GDPD4: variants seen among roughly 807,000 people sequenced by gnomAD.
GDPD4 encodes glycerophosphodiester phosphodiesterase domain containing 4, also known as glycerophosphodiester phosphodiesterase 6.
GDPD4 carries 60 observed loss-of-function variants against 67.8 expected under a neutral mutation model. The ratio of observed to expected loss-of-function variants is 0.88; its 90% confidence interval spans 0.72 to 1.10. The LOEUF (loss-of-function observed/expected upper bound fraction) is 1.10, where lower values mean the gene tolerates loss of function less well. GDPD4 is among the 50% of genes least tolerant of loss of function. The pLI, the probability that GDPD4 is intolerant of heterozygous loss-of-function variation, is 0.00. For synonymous variants in GDPD4, 212 were observed against 210.9 expected, an observed-to-expected ratio of 1.00 and a Z score of -0.04; for missense variants, 623 against 613.9, an observed-to-expected ratio of 1.01 and a Z score of -0.16.
chr11:77,227,866 G>T lies in GDPD4; in HGVS notation c.1523C>A (p.Thr508Lys). Residue 508 changes from threonine (T) to lysine (K), a missense_variant and splice_region_variant, in exon 16 of 17, where the codon ACA becomes AAA. By Grantham distance (78) the Thr-to-Lys change is moderately conservative. Transcript: ENST00000315938. ...GTGGGCTAGGCCTCTGACTTTACCT[G>T]TGCGAGTGCTGGAGGTTTCAAACAA... ...EKLFETSSTR[T>K]DTQSGSKNEE... is the part of the protein sequence containing the mutation. The T allele has an allele frequency of 1.9e-6, 3 of 1,611,700 alleles. No individual in the cohort carries two copies. The highest frequency in any genetic ancestry group is 2.5e-6 in the Non-Finnish European group (3 of 1,177,898).
At chr11:77,252,327 G>C (rs1038622195) in intron 11 of GDPD4, among the ~76,000 whole-genome samples, 4 of 152,058 alleles carry the variant, frequency 2.6e-5, no homozygotes, top group Non-Finnish European at 5.9e-5. Context: ...GCCTCCCAAA[G>C]TGCTAGGATT....
chr11:77,223,173 G>C (rs186015824), intron 16 of GDPD4, among the ~76,000 whole-genome samples: 2 of 152,070 alleles, frequency 1.3e-5, no homozygotes, highest in Admixed American at 6.5e-5. Flanking sequence ...TCCTCCTTTC[G>C]CTTGGAGAAG....
chr11:77,285,762 G>A (rs1959968495), intron 2 of GDPD4, among the ~76,000 whole-genome samples: 1 of 152,094 alleles, frequency 6.6e-6, no homozygotes, highest in African/African-American at 2.4e-5. Context: ...TTTTGCAGAA[G>A]AAAGCTCAGA....
intron 16 of GDPD4, among the ~76,000 whole-genome samples, chr11:77,221,422 GTATGT>G (rs1168656832): frequency 6.6e-6 from 1 of 152,018 alleles, no homozygotes; most frequent in African/African-American, 2.4e-5. Context: ...AGAGATTCTG[GTATGT>G]TATGTCTTTT....
chr11:77,254,590 A>G (rs1361569197), intron 11 of GDPD4, among the ~76,000 whole-genome samples: 1 of 152,180 alleles, frequency 6.6e-6, no homozygotes, highest in Non-Finnish European at 1.5e-5. Context: ...TGTGATAAAT[A>G]AAACTTGTAC....
intron 12 of GDPD4, 52 bp from the exon 13 acceptor site, chr11:77,243,900 G>C (rs763398093): frequency 5.2e-6 from 7 of 1,341,590 alleles, no homozygotes; most frequent in African/African-American, 1.4e-5. Flanking sequence ...ATCCAGGTAC[G>C]AACAGCCCCA....
At chr11:77,248,533 C>T (rs1445653751) in intron 11 of GDPD4, among the ~76,000 whole-genome samples, 3 of 151,942 alleles carry the variant, frequency 2.0e-5, no homozygotes, top group Non-Finnish European at 4.4e-5. Context: ...ATGGGCACCA[C>T]CACATCTACC....
At chr11:77,236,130 G>C (rs1958563080) in intron 13 of GDPD4, among the ~76,000 whole-genome samples, 2 of 152,044 alleles carry the variant, frequency 1.3e-5, no homozygotes, top group South Asian at 2.1e-4. Flanking sequence ...AACCTAACTA[G>C]ATTAATATGT....
At chr11:77,231,214 T>A (rs1294047105) in intron 14 of GDPD4, among the ~76,000 whole-genome samples, 1 of 152,220 alleles carries the variant, frequency 6.6e-6, no homozygotes, top group African/African-American at 2.4e-5. Flanking sequence ...TTTTAAATGA[T>A]TCCTCACTTT....
intron 10 of GDPD4, among the ~76,000 whole-genome samples, chr11:77,262,327 G>A (rs1044070495): frequency 2.0e-5 from 3 of 152,130 alleles, no homozygotes; most frequent in Non-Finnish European, 4.4e-5. Context: ...AGCAGTCATG[G>A]CCCAATTCCT....
intron 8 of GDPD4, among the ~76,000 whole-genome samples, chr11:77,269,530 C>T (rs1188202673): frequency 6.6e-6 from 1 of 152,130 alleles, no homozygotes; most frequent in African/African-American, 2.4e-5. Flanking sequence ...CCAAGTTCTG[C>T]CACTTCCTAA....
At chr11:77,299,162 G>A (rs1161481336) in intron 1 of GDPD4, among the ~76,000 whole-genome samples, 2 of 152,102 alleles carry the variant, frequency 1.3e-5, no homozygotes, top group Non-Finnish European at 2.9e-5. Flanking sequence ...GGTAGCAGTT[G>A]CTAGGCAACA....
chr11:77,261,167 C>T (rs1390137919), intron 10 of GDPD4, among the ~76,000 whole-genome samples: 1 of 152,080 alleles, frequency 6.6e-6, no homozygotes, highest in East Asian at 1.9e-4. Context: ...GATACATAAA[C>T]TACAGGCAAG....
chr11:77,279,564 T>C (rs896363729), intron 3 of GDPD4, among the ~76,000 whole-genome samples, 165 bp from the exon 4 acceptor site: 1 of 129,854 alleles, frequency 7.7e-6, no homozygotes, highest in Non-Finnish European at 1.9e-5. Flanking sequence ...TGAGGAGTTT[T>C]AAAGTTGTGT....
At chr11:77,268,902 T>C (rs1268954404) in intron 9 of GDPD4, 22 bp downstream of exon 9, 5 of 1,610,716 alleles carry the variant, frequency 3.1e-6, no homozygotes, top group Non-Finnish European at 4.2e-6. Context: ...TTTTCACCCA[T>C]GTTCATCATG....
intron 1 of GDPD4, among the ~76,000 whole-genome samples, chr11:77,296,068 G>A (rs899840866): frequency 6.6e-6 from 1 of 151,678 alleles, no homozygotes; most frequent in East Asian, 2.0e-4. Context: ...CGACTAACAC[G>A]GTGAAACCCC....
intron 4 of GDPD4, among the ~76,000 whole-genome samples, chr11:77,278,126 T>C (rs1228918328): frequency 6.6e-6 from 1 of 152,222 alleles, no homozygotes; most frequent in Non-Finnish European, 1.5e-5. Context: ...TCTGTTCTTT[T>C]ACATTTGCTG....
intron 10 of GDPD4, among the ~76,000 whole-genome samples, chr11:77,264,247 C>T (rs1280228534): frequency 6.6e-6 from 1 of 152,104 alleles, no homozygotes; most frequent in Admixed American, 6.6e-5. Context: ...ATGTCTCTGC[C>T]TTTTCAAATG....
intron 10 of GDPD4, among the ~76,000 whole-genome samples, chr11:77,261,254 T>G (rs1052592582): frequency 6.6e-6 from 1 of 152,008 alleles, no homozygotes; most frequent in African/African-American, 2.4e-5. Context: ...TTTTTTTTTT[T>G]GGAAACAGAA....
Sources: allele counts gnomAD v4.1 joint callset (sites outside exome capture counted in the v4.1 genomes callset), GRCh38; gene constraint gnomAD v4.1.1; transcripts MANE v1.5; gene names NCBI Gene and HGNC (gene_info 2026-07-23, HGNC 2026-07-21).